Variants in DIAPH3 observed in about 807,000 individuals in gnomAD.
DIAPH3 encodes diaphanous related formin 3.
In DIAPH3, 117 loss-of-function variants were observed where a neutral mutation model predicts 144.3. The observed-to-expected ratio is 0.81, with a 90% CI of 0.70 to 0.95. The LOEUF (loss-of-function observed/expected upper bound fraction) is 0.95. Among genes scored for constraint, DIAPH3 ranks in the 40% least tolerant of loss-of-function variants. The probability of loss-of-function intolerance (pLI) is 0.00; values close to 1 mark genes in which losing one functional copy is unlikely to be tolerated. For synonymous variants in DIAPH3, 519 were observed against 488.9 expected, an observed-to-expected ratio of 1.06 and a Z score of -0.81; for missense variants, 1,421 against 1,412.7, an observed-to-expected ratio of 1.01 and a Z score of -0.09.
chr13:59,924,317 G>A (rs1236026849), intron 18 of DIAPH3, among the ~76,000 whole-genome samples: 1 of 152,020 alleles, frequency 6.6e-6, no homozygotes, highest in Non-Finnish European at 1.5e-5. Context: ...GCTCAGATGG[G>A]ATAACTGAAT....
At chr13:60,092,267 A>G (rs755029029) in intron 4 of DIAPH3, among the ~76,000 whole-genome samples, 1 of 152,074 alleles carries the variant, frequency 6.6e-6, no homozygotes, top group Non-Finnish European at 1.5e-5. Flanking sequence ...TTAAACCCCC[A>G]ATACCAATTT....
rs1413001450 is a variant in DIAPH3, at chr13:59,861,477, T to C, written c.2667A>G (p.Ile889Met). The C allele has an allele frequency of 1.9e-6, 3 of 1,613,734 alleles. No individual in the cohort carries two copies. The highest frequency in any genetic ancestry group is 3.3e-5 in the Admixed American group (2 of 59,996). ...GTATATCAGGGTACTTCTCTTCACA[T>C]ATTTCTACCAGGAAATGAAGTAGCG... Reference protein sequence around the residue: ...KTTLLHFLVEICEEKYPDILN... With the variant: ...KTTLLHFLVEMCEEKYPDILN... The change falls in exon 22 of 28, where the codon ATA becomes ATG. Residue 889 changes from isoleucine (I) to methionine (M), a missense_variant. By Grantham distance (10) the Ile-to-Met change is conservative. Transcript: ENST00000400324.
intron 17 of DIAPH3, among the ~76,000 whole-genome samples, chr13:59,959,056 G>A (rs947921925): frequency 1.3e-5 from 2 of 151,460 alleles, no homozygotes; most frequent in Non-Finnish European, 2.9e-5. Context: ...TTGTATTTTT[G>A]GTAGAGATGG....
chr13:59,905,839 A>C (rs1299081095), intron 20 of DIAPH3, among the ~76,000 whole-genome samples: 2 of 152,280 alleles, frequency 1.3e-5, no homozygotes, highest in East Asian at 3.9e-4. Flanking sequence ...AAGGCAAGGA[A>C]ATAAATTTTT....
At chr13:59,685,143 G>A (rs535513385) in intron 27 of DIAPH3, among the ~76,000 whole-genome samples, 1 of 152,104 alleles carries the variant, frequency 6.6e-6, no homozygotes, top group South Asian at 2.1e-4. Context: ...GAGTGTAGGG[G>A]TGAAGGGTGG....
chr13:59,737,971 A>C lies in DIAPH3; in HGVS notation c.3319+36218T>G, dbSNP rs549529776. 5.9e-5 allele frequency among the ~76,000 whole-genome samples: 9 copies of C among 152,262 alleles called. No individual in the cohort carries two copies. In the South Asian group the frequency reaches 1.9e-3, roughly 32 times the overall value. On this transcript the variant is annotated intron_variant, in intron 27 of 27. Coordinates refer to ENST00000400324, the MANE Select transcript of DIAPH3 (RefSeq NM_001042517.2). ...CAGTTGAAGTCAGGAGTTCGAGACC[A>C]GCCTGGCCAAGATGATGAAAATCTG... is the stretch of plus-strand genomic sequence containing the variant.
chr13:59,745,039 CAAG>C (rs1382637708), intron 27 of DIAPH3, among the ~76,000 whole-genome samples: 1 of 151,984 alleles, frequency 6.6e-6, no homozygotes, highest in Admixed American at 6.6e-5. Flanking sequence ...TTTTTTGTTC[CAAG>C]AAGGTTTCTT....
At chr13:59,995,921 AT>A (rs2052163160) in intron 9 of DIAPH3, among the ~76,000 whole-genome samples, 2 of 152,130 alleles carry the variant, frequency 1.3e-5, no homozygotes, top group Middle Eastern at 3.4e-3. Flanking sequence ...TGTTTAGGGC[AT>A]TTTCAACCGT....
At position 59,666,470 on chromosome 13, in the gene DIAPH3, T is replaced by C. The variant is rs1566163210; in HGVS notation, c.*114A>G. 4 of 1,201,780 alleles carry C rather than the reference T, an allele frequency of 3.3e-6. No individual in the cohort carries two copies. Among genetic ancestry groups the C allele is most frequent in the Non-Finnish European group, 3.5e-6 (3 of 866,218 alleles). 74.4% of individuals were successfully genotyped at this position (1,201,780 alleles called of 1,614,324 possible). ...TTTAGCTTTATTTTTCTAATATATA[T>C]CATAATTTAAAACTATATAAAGTCA... On this transcript the variant is annotated 3_prime_UTR_variant, in exon 28 of 28. Coordinates refer to ENST00000400324, the MANE Select transcript of DIAPH3 (RefSeq NM_001042517.2).
Position 59,982,363 on chromosome 13 carries a change from T to C in DIAPH3, c.1480+1406A>G, listed in dbSNP as rs182478995. On this transcript the variant is annotated intron_variant, in intron 13 of 27. Coordinates refer to ENST00000400324, the MANE Select transcript of DIAPH3 (RefSeq NM_001042517.2). ...TACTATTCAAAATCATTCCACATTT[T>C]AGTTTGCTGCATATTTACAGCACCA... 1.3e-4 allele frequency among the ~76,000 whole-genome samples: 20 copies of C among 151,564 alleles called. No homozygotes were observed. The East Asian group carries it at 3.7e-3, about 28-fold the overall frequency.
At chr13:59,825,541 GTA>G (rs1057346119) in intron 24 of DIAPH3, among the ~76,000 whole-genome samples, 2 of 152,208 alleles carry the variant, frequency 1.3e-5, no homozygotes, top group African/African-American at 4.8e-5. Flanking sequence ...AGTCCTTTGG[GTA>G]TATACCCAGT....
intron 25 of DIAPH3, among the ~76,000 whole-genome samples, chr13:59,795,209 C>CA: frequency 6.6e-6 from 1 of 152,098 alleles, no homozygotes; most frequent in African/African-American, 2.4e-5. Context: ...GGAAGTAAGA[C>CA]AAAAAAGTGA....
chr13:60,003,031 A>G (rs189720755), intron 9 of DIAPH3, among the ~76,000 whole-genome samples: 2 of 152,200 alleles, frequency 1.3e-5, no homozygotes, highest in Admixed American at 1.3e-4. Context: ...CTAAGGAAAA[A>G]CTGGCCAACA....
rs1006079034 is a variant in DIAPH3, at chr13:59,867,393, A to C, written c.2608-5857T>G. Among the ~76,000 whole-genome samples the C allele has an allele frequency of 4.2e-4, 64 of 151,966 alleles. 2 individuals carry two copies. The highest frequency in any genetic ancestry group is 2.9e-5 in the Non-Finnish European group (2 of 67,958). On this transcript the variant is annotated intron_variant, in intron 21 of 27. Coordinates refer to ENST00000400324, the MANE Select transcript of DIAPH3 (RefSeq NM_001042517.2). ...AATATAACTTTCTTAATAATTCTAA[A>C]GATAGAAACCAATTGATATTATATA...
At chr13:59,826,098 G>A (rs1285785277) in intron 24 of DIAPH3, among the ~76,000 whole-genome samples, 2 of 152,108 alleles carry the variant, frequency 1.3e-5, no homozygotes, top group East Asian at 3.9e-4. Context: ...TAAACTGGAA[G>A]CATTCCCTTT....
chr13:60,137,897 T>C (rs2059331425), intron 1 of DIAPH3, among the ~76,000 whole-genome samples: 1 of 152,052 alleles, frequency 6.6e-6, no homozygotes, highest in South Asian at 2.1e-4. Context: ...CTAATTTTTG[T>C]ATTTTTAGTG....
chr13:59,735,652 G>C (rs1727060066), intron 27 of DIAPH3, among the ~76,000 whole-genome samples: 1 of 152,078 alleles, frequency 6.6e-6, no homozygotes, highest in Non-Finnish European at 1.5e-5. Context: ...GATTTCATTG[G>C]CTGCTCAAAC....
At chr13:59,912,347 A>G (rs1470206051) in intron 19 of DIAPH3, among the ~76,000 whole-genome samples, 1 of 152,182 alleles carries the variant, frequency 6.6e-6, no homozygotes, top group African/African-American at 2.4e-5. Flanking sequence ...TACAGTTTTA[A>G]TAATAAAAAC....
chr13:59,756,708 A>T (rs1243529168), intron 27 of DIAPH3, among the ~76,000 whole-genome samples: 1 of 152,220 alleles, frequency 6.6e-6, no homozygotes, highest in Non-Finnish European at 1.5e-5. Flanking sequence ...ACCTTGGGGA[A>T]GGAGGTGTGA....
Sources: gnomAD v4.1 joint callset for allele counts (sites outside exome capture counted in the v4.1 genomes callset) on GRCh38, gnomAD v4.1.1 for gene constraint, MANE v1.5 for transcripts, NCBI Gene and HGNC (gene_info 2026-07-23, HGNC 2026-07-21) for gene names.